The following CBLL1 variants were observed in gnomAD, a reference collection of about 807,000 sequenced individuals.
CBLL1 encodes Cbl proto-oncogene like 1, also known as E3 ubiquitin-protein ligase Hakai.
In CBLL1, 4 loss-of-function variants were observed where a neutral mutation model predicts 44.9. The observed-to-expected ratio is 0.09, with a 90% CI of 0.04 to 0.20. CBLL1 has a LOEUF of 0.20. CBLL1 is among the 10% of genes least tolerant of loss of function. CBLL1 has a pLI of 1.00. For synonymous variants in CBLL1, 235 were observed against 202.2 expected, an observed-to-expected ratio of 1.16 and a Z score of -1.38; for missense variants, 569 against 636.7, an observed-to-expected ratio of 0.89 and a Z score of 1.14.
At chr7:107,756,950 A>G (rs1196637159) in intron 5 of CBLL1, among the ~76,000 whole-genome samples, 6 of 152,188 alleles carry the variant, frequency 3.9e-5, no homozygotes, top group South Asian at 2.1e-4. Flanking sequence ...CCCAAGAGAA[A>G]GTGCTTCACA....
In CBLL1 at chr7:107,760,915, G is replaced by A. The variant is rs993835342; in HGVS notation, c.*1737G>A. 4 of 152,106 alleles carry A rather than the reference G, an allele frequency of 2.6e-5. No homozygotes were observed. The highest frequency in any genetic ancestry group is 9.7e-5 in the African/African-American group (4 of 41,406). 9.4% of individuals were successfully genotyped at this position (152,106 alleles called of 1,614,324 possible). A position where few individuals can be genotyped will look rare whatever the true frequency, so the allele number is the denominator to read the frequency against. On this transcript the variant is annotated 3_prime_UTR_variant, in exon 6 of 6. Transcript: ENST00000440859. Reference sequence around the variant, plus strand: ...TAACTAATAAACTTTTTTGTTTTAAGTCAGGCAAGTGATTTTCTACATTTA... The same window carrying A: ...TAACTAATAAACTTTTTTGTTTTAAATCAGGCAAGTGATTTTCTACATTTA...
Position 107,753,991 on chromosome 7 carries a change from A to T in CBLL1, c.366+13A>T. 1 of 1,507,816 alleles carries T rather than the reference A, an allele frequency of 6.6e-7. No individual in the cohort carries two copies. The highest frequency in any genetic ancestry group is 9.1e-7 in the Non-Finnish European group (1 of 1,099,514). The allele number at this position is 1,507,816 out of a possible 1,614,324, so 93.4% of individuals were successfully genotyped here. On this transcript the variant is annotated intron_variant, in intron 4 of 5. Transcript: ENST00000440859. ...CTATGGGAGAATGGTAAGTATAATT[A>T]AATATTGTTTTTGTAAGTAAGCATT...
intron 1 of CBLL1, among the ~76,000 whole-genome samples, chr7:107,745,286 G>A (rs879361203): frequency 3.3e-5 from 5 of 152,136 alleles, no homozygotes; most frequent in African/African-American, 7.2e-5. Context: ...TTTCAGAGAG[G>A]GTTGTTAGGA....
At chr7:107,751,826 G>T (rs983807086) in intron 2 of CBLL1, among the ~76,000 whole-genome samples, 1 of 152,106 alleles carries the variant, frequency 6.6e-6, no homozygotes, top group African/African-American at 2.4e-5. Flanking sequence ...AATGATGGGA[G>T]TACAGGTGGA....
intron 1 of CBLL1, chr7:107,744,479 T>G: frequency 2.5e-6 from 1 of 397,064 alleles, no homozygotes; most frequent in East Asian, 3.8e-5. Context: ...GGCTCTGTTT[T>G]ATTTAGCCCA....
rs1353169385 is a variant in CBLL1 at position 107,761,600 on chromosome 7, A to G, written c.*2422A>G. The G allele has an allele frequency of 6.6e-6, 1 of 152,152 alleles. No homozygotes were observed. The highest frequency in any genetic ancestry group is 1.9e-4 in the East Asian group (1 of 5,338). 9.4% of individuals were successfully genotyped at this position (152,152 alleles called of 1,614,324 possible). Reference sequence around the variant, plus strand: ...ATTAAATGTATGTATGTTTCATTATATTGCTCTTAAGACTACTGAGGTGGC... The same window carrying G: ...ATTAAATGTATGTATGTTTCATTATGTTGCTCTTAAGACTACTGAGGTGGC... On this transcript the variant is annotated 3_prime_UTR_variant, in exon 6 of 6. Transcript: ENST00000440859.
At chr7:107,751,849 A>T (rs995725315) in intron 2 of CBLL1, among the ~76,000 whole-genome samples, 1 of 152,260 alleles carries the variant, frequency 6.6e-6, no homozygotes. Context: ...TACTCTGAAA[A>T]ATGATAATGT....
rs754835620 is a variant in CBLL1, at chr7:107,758,428, A to C, written c.726A>C (p.Pro242=). The C allele has an allele frequency of 4.5e-5, 72 of 1,613,632 alleles. No homozygotes were observed. The highest frequency in any genetic ancestry group is 5.8e-5 in the Non-Finnish European group (69 of 1,179,972). ...CAAAGCAGCACATCATGATGCCACCACCTCCTTTGCAACATGTGCCACATG... is the reference window on the plus strand; with the variant it reads ...CAAAGCAGCACATCATGATGCCACCCCCTCCTTTGCAACATGTGCCACATG... ...IPPKQHIMMP[P]PPLQHVPHEH... Residue 242 remains proline (P), a synonymous_variant, in exon 6 of 6, where the codon CCA becomes CCC. Transcript: ENST00000440859. The surrounding 1 kb of genome is among the most constrained non-coding windows in gnomAD (Gnocchi z 4.2).
At position 107,761,462 on chromosome 7, in the gene CBLL1, G is replaced by T. The variant is rs529078397; in HGVS notation, c.*2284G>T. On this transcript the variant is annotated 3_prime_UTR_variant, in exon 6 of 6. Coordinates refer to ENST00000440859, the MANE Select transcript of CBLL1 (RefSeq NM_024814.4). ...TCATCAATTGTTTGAATGAGGGTGG[G>T]TGGGTAGAAGGATAACAAAATTACT... 2 of 152,266 alleles carry T rather than the reference G, an allele frequency of 1.3e-5. No individual in the cohort carries two copies. The highest frequency in any genetic ancestry group is 4.1e-4 in the South Asian group (2 of 4,826). 9.4% of individuals were successfully genotyped at this position (152,266 alleles called of 1,614,324 possible).
chr7:107,754,298 AC>A (rs1455660149), intron 4 of CBLL1: 1 of 159,554 alleles, frequency 6.3e-6, no homozygotes, highest in Non-Finnish European at 1.4e-5. Context: ...ATAGAACAAA[AC>A]TGCTTATTTT....
chr7:107,750,980 CTTT>C (rs35541335), intron 2 of CBLL1, among the ~76,000 whole-genome samples: 1 of 142,074 alleles, frequency 7.0e-6, no homozygotes, highest in African/African-American at 2.6e-5. Flanking sequence ...TGGGGTCTGG[CTTT>C]TTTTTTTTTC....
chr7:107,748,847 AAAAG>A (rs1793130667), intron 1 of CBLL1, 29 bp from the exon 2 acceptor site: 1 of 1,545,746 alleles, frequency 6.5e-7, no homozygotes, highest in Non-Finnish European at 8.7e-7. Flanking sequence ...AAGAAAAACT[AAAAG>A]AAATTACAAC....
At chr7:107,752,784 A>T (rs1466824399) in intron 2 of CBLL1, among the ~76,000 whole-genome samples, 2 of 152,174 alleles carry the variant, frequency 1.3e-5, no homozygotes, top group African/African-American at 4.8e-5. Flanking sequence ...CATTGTAGGA[A>T]AGGATACATG....
intron 2 of CBLL1, among the ~76,000 whole-genome samples, chr7:107,752,089 C>A (rs1297567514): frequency 2.6e-5 from 4 of 151,512 alleles, no homozygotes; most frequent in African/African-American, 9.7e-5. Context: ...GTCCCAGCTA[C>A]TCGGGAGGCC....
intron 2 of CBLL1, among the ~76,000 whole-genome samples, chr7:107,750,995 C>A (rs772481638): frequency 1.3e-5 from 2 of 151,002 alleles, no homozygotes; most frequent in Non-Finnish European, 3.0e-5. Context: ...TTTTTTTTCC[C>A]TCGAAACATT....
intron 4 of CBLL1, among the ~76,000 whole-genome samples, chr7:107,755,173 C>T (rs954530574): frequency 1.3e-5 from 2 of 152,004 alleles, no homozygotes; most frequent in Non-Finnish European, 2.9e-5. Context: ...ATAGGGTTTA[C>T]ACCTCCAGAA....
At chr7:107,752,266 T>TTC (rs1440672122) in intron 2 of CBLL1, among the ~76,000 whole-genome samples, 2 of 152,126 alleles carry the variant, frequency 1.3e-5, no homozygotes, top group Non-Finnish European at 1.5e-5. Context: ...ACACCAGCTT[T>TTC]TCTAAGGTGT....
Position 107,758,014 on chromosome 7 carries a change from A to G in CBLL1, c.441-129A>G. The G allele has an allele frequency of 1.2e-6, 1 of 829,090 alleles. No homozygotes were observed. Among genetic ancestry groups the G allele is most frequent in the Non-Finnish European group, 1.8e-6 (1 of 545,624 alleles). 51.4% of individuals were successfully genotyped at this position (829,090 alleles called of 1,614,324 possible). The stretch of plus-strand genomic sequence containing the variant: ...TAAAGGTTTGCGTAGAATAACTGTA[A>G]CTTCTAATTGTGGACTTTTGCTATG... On this transcript the variant is annotated intron_variant, in intron 5 of 5. Coordinates refer to ENST00000440859, the MANE Select transcript of CBLL1 (RefSeq NM_024814.4). This position sits in a 1 kb window ranked among gnomAD's most constrained non-coding sequence, Gnocchi z 4.2.
Position 107,753,408 on chromosome 7 carries a change from C to T in CBLL1, c.182-3C>T, listed in dbSNP as rs754470430. 2 of 1,554,320 alleles carry T rather than the reference C, an allele frequency of 1.3e-6. No homozygotes were observed. Among genetic ancestry groups the T allele is most frequent in the Admixed American group, 4.2e-5 (2 of 48,080 alleles). On this transcript the variant is annotated splice_polypyrimidine_tract_variant and splice_region_variant and intron_variant, in intron 2 of 5. Coordinates refer to ENST00000440859, the MANE Select transcript of CBLL1 (RefSeq NM_024814.4). Reference sequence around the variant, plus strand: ...TTAATGGGCAATACTTTTTTTTTCTCAGAAGGATTTGATTATAATGAAGAA... The same window carrying T: ...TTAATGGGCAATACTTTTTTTTTCTTAGAAGGATTTGATTATAATGAAGAA...
Sources: gnomAD v4.1 joint callset for allele counts (sites outside exome capture counted in the v4.1 genomes callset) on GRCh38, gnomAD v4.1.1 for gene constraint, Gnocchi (gnomAD v3.1) non-coding constraint, MANE v1.5 for transcripts, NCBI Gene and HGNC (gene_info 2026-07-23, HGNC 2026-07-21) for gene names.